SIN3A: variants seen among roughly 807,000 people sequenced by gnomAD.
SIN3A encodes SIN3 transcription regulator family member A.
A neutral mutation model predicts 146.1 loss-of-function variants in SIN3A; 14 were observed. The ratio of observed to expected loss-of-function variants is 0.10; its 90% CI spans 0.06 to 0.15. SIN3A has a LOEUF of 0.15. Ranked by LOEUF, SIN3A falls within the 10% of genes least tolerant of loss-of-function variation. The probability of loss-of-function intolerance (pLI) is 1.00; values close to 1 mark genes in which losing one functional copy is unlikely to be tolerated. For synonymous variants in SIN3A, 572 were observed against 572.0 expected (o/e 1.00, Z 0.00); for missense variants, 1,028 against 1,576.0 (o/e 0.65, Z 5.89).
chr15:75,438,029 A>C (rs766079855), intron 1 of SIN3A, among the ~76,000 whole-genome samples: 12 of 152,052 alleles, frequency 7.9e-5, no homozygotes, highest in South Asian at 4.1e-4. Context: ...CACACACACA[A>C]AAAAAACACC....
chr15:75,380,307 T>C (rs1282971526), intron 19 of SIN3A, among the ~76,000 whole-genome samples: 3 of 152,234 alleles, frequency 2.0e-5, no homozygotes, highest in South Asian at 4.1e-4. Flanking sequence ...GCTTTGCATC[T>C]TCTCGCTGTA....
chr15:75,414,154 CA>C, intron 4 of SIN3A, 50 bp downstream of exon 4: 1 of 961,772 alleles, frequency 1.0e-6, no homozygotes. Flanking sequence ...CTCTTCCTTC[CA>C]AAATCAATAT....
intron 4 of SIN3A, among the ~76,000 whole-genome samples, chr15:75,413,929 C>G (rs2073689487): frequency 6.6e-6 from 1 of 152,130 alleles, no homozygotes; most frequent in Non-Finnish European, 1.5e-5. Flanking sequence ...TAAACCAATT[C>G]AGAAACCAAG....
intron 17 of SIN3A, 56 bp downstream of exon 17, chr15:75,384,208 T>A: frequency 2.1e-6 from 3 of 1,433,740 alleles, no homozygotes; most frequent in Non-Finnish European, 2.9e-6. Context: ...GTTCAGAGAA[T>A]CCTAACAACT....
At chr15:75,413,340 C>T (rs905352127) in intron 4 of SIN3A, among the ~76,000 whole-genome samples, 6 of 151,610 alleles carry the variant, frequency 4.0e-5, no homozygotes, top group Admixed American at 2.0e-4. Flanking sequence ...AGGCTGGTCT[C>T]GAACTCCTGA....
intron 14 of SIN3A, 148 bp downstream of exon 14, chr15:75,394,532 G>T: frequency 1.7e-6 from 1 of 578,470 alleles, no homozygotes; most frequent in Non-Finnish European, 3.0e-6. Context: ...GTAGAATGAG[G>T]AATAGAAAAG....
rs1488677553 is a variant in SIN3A at position 75,392,794 on chromosome 15, C to T, written c.2299G>A (p.Glu767Lys). 6.2e-7 allele frequency: 1 copy of T among 1,610,672 alleles called. No homozygotes were observed. ...YDERQEQATE[E>K]NAGVPVGPHL... The stretch of plus-strand genomic sequence containing the variant: ...GGGCCAACAGGTACACCAGCATTCT[C>T]CTCCGTAGCCTGCTCTTGCCTCTGA... Residue 767 changes from glutamate (E) to lysine (K), a missense_variant, in exon 15 of 21, where the codon GAG (glutamate) becomes AAG (lysine). Glu to Lys is a moderately conservative substitution (Grantham distance 56, BLOSUM62 1). Around this residue, in one of 9 missense-constraint regions of SIN3A, gnomAD observed 488 missense variants for 690.2 expected, o/e 0.71. Transcript: ENST00000394947.
chr15:75,403,838 G>A (rs1442474538), intron 9 of SIN3A, among the ~76,000 whole-genome samples: 3 of 152,122 alleles, frequency 2.0e-5, no homozygotes, highest in African/African-American at 4.8e-5. Context: ...GAGCCACTGC[G>A]TCCGGCCTGT....
At chr15:75,373,066 TGTTCTGCAGGGG>T (rs2072783421) in intron 20 of SIN3A, among the ~76,000 whole-genome samples, 1 of 152,152 alleles carries the variant, frequency 6.6e-6, no homozygotes, top group Non-Finnish European at 1.5e-5. Context: ...GCTTGGCAGA[TGTTCTGCAGGGG>T]GTTCTGTTCC....
intron 11 of SIN3A, 84 bp from the exon 12 acceptor site, chr15:75,400,240 C>G: frequency 4.0e-6 from 3 of 753,058 alleles, no homozygotes; most frequent in Non-Finnish European, 6.9e-6. Context: ...AGACAAAACT[C>G]TAGCAGAGAA....
At chr15:75,397,681 T>C (rs1595897945) in intron 12 of SIN3A, among the ~76,000 whole-genome samples, 2 of 152,202 alleles carry the variant, frequency 1.3e-5, no homozygotes, top group East Asian at 3.8e-4. Context: ...CGCACATTCC[T>C]TCAAACTAGC....
chr15:75,411,688 G>T lies in SIN3A; in HGVS notation c.812C>A (p.Pro271Gln), dbSNP rs968419127. Residue 271 changes from proline (P) to glutamine (Q), a missense_variant, in exon 6 of 21, where the codon CCG becomes CAG. This residue lies in a region of SIN3A where 112 missense variants were observed against 135.7 expected (regional missense o/e 0.83). Coordinates refer to ENST00000394947, the MANE Select transcript of SIN3A (RefSeq NM_001145358.2). ...PASQQTPPLP[P>Q]YASPRSPPVQ... ...CGGCGGAGAACGTGGGGATGCATAC[G>T]GTGGAAGTGGGGGAGTCTGCTGACT... 1.9e-6 allele frequency: 3 copies of T among 1,613,312 alleles called. No individual in the cohort carries two copies. The highest frequency in any genetic ancestry group is 1.1e-5 in the South Asian group (1 of 90,990).
In SIN3A at chr15:75,376,208, A is replaced by C; in HGVS notation, c.3384-336T>G. The C allele has an allele frequency of 9.5e-6, 3 of 316,768 alleles. No individual in the cohort carries two copies. The East Asian group carries it at 2.0e-4, about 21-fold the overall frequency. 19.6% of individuals were successfully genotyped at this position (316,768 alleles called of 1,614,324 possible). A position where few individuals can be genotyped will look rare whatever the true frequency, so the allele number is the denominator to read the frequency against. On this transcript the variant is annotated intron_variant, in intron 19 of 20. Coordinates refer to ENST00000394947, the MANE Select transcript of SIN3A (RefSeq NM_001145358.2). The stretch of plus-strand genomic sequence containing the variant: ...GGATTTGTTTTTAAGACAAAATAGG[A>C]TCATACTATATATTTTGTCCTCAAC...
In SIN3A at chr15:75,427,521, G is replaced by A. The variant is rs989961656; in HGVS notation, c.189+2666C>T. On this transcript the variant is annotated intron_variant, in intron 2 of 20. Transcript: ENST00000394947. ...CTAAAAATACAAAAATTAGCTGGGC[G>A]TGGTGGTGCACGCCTGTAATCCCAG... Among the ~76,000 whole-genome samples the A allele has an allele frequency of 2.6e-5, 4 of 151,432 alleles. 1 individual carries two copies. The highest frequency in any genetic ancestry group is 4.9e-5 in the African/African-American group (2 of 41,172).
At chr15:75,414,440 T>C (rs1050951586) in intron 3 of SIN3A, 129 bp from the exon 4 acceptor site, 29 of 408,916 alleles carry the variant, frequency 7.1e-5, no homozygotes, top group Non-Finnish European at 4.7e-5. Context: ...ATATTAAATA[T>C]ATACTTAAAA....
intron 12 of SIN3A, 110 bp downstream of exon 12, chr15:75,399,930 G>T (rs2073379813): frequency 8.6e-6 from 6 of 698,004 alleles, no homozygotes; most frequent in Admixed American, 2.2e-5. Context: ...TACCATAGAA[G>T]AATGTGAGCC....
intron 3 of SIN3A, among the ~76,000 whole-genome samples, chr15:75,415,722 A>T (rs1054172960): frequency 1.3e-5 from 2 of 151,970 alleles, no homozygotes; most frequent in Admixed American, 6.6e-5. Context: ...ATGGTGGCGC[A>T]TGTCTGTAAT....
chr15:75,391,866 C>T (rs1272894827), intron 15 of SIN3A, among the ~76,000 whole-genome samples: 1 of 152,158 alleles, frequency 6.6e-6, no homozygotes, highest in East Asian at 1.9e-4. Flanking sequence ...CTGTTTTAAG[C>T]ACTAGGAATT....
At chr15:75,398,226 C>G (rs1330081535) in intron 12 of SIN3A, among the ~76,000 whole-genome samples, 1 of 152,112 alleles carries the variant, frequency 6.6e-6, no homozygotes, top group Non-Finnish European at 1.5e-5. Context: ...TTAGACAAAC[C>G]AGACTTCCCT....
Sources: gnomAD v4.1 joint callset for allele counts (sites outside exome capture counted in the v4.1 genomes callset) on GRCh38, gnomAD v4.1.1 for gene constraint, gnomAD v4.1.1 regional missense constraint, MANE v1.5 for transcripts, NCBI Gene and HGNC (gene_info 2026-07-23, HGNC 2026-07-21) for gene names.